Variants in VRK2 observed in about 807,000 individuals in gnomAD.
The protein encoded by VRK2 is serine/threonine-protein kinase VRK2.
Under a neutral mutation model 57.6 loss-of-function variants are expected in VRK2, and 60 were observed. The observed-to-expected ratio is 1.04, with a 90% CI of 0.85 to 1.29. The LOEUF is 1.29. Ranked by LOEUF, VRK2 falls within the 50% of genes most tolerant of loss-of-function variation. The pLI is 0.00. For missense variants in VRK2, 705 were observed against 588.1 expected, an observed-to-expected ratio of 1.20 and a Z score of -2.06; for synonymous variants, 231 against 199.2, an observed-to-expected ratio of 1.16 and a Z score of -1.35.
intron 1 of VRK2, among the ~76,000 whole-genome samples, chr2:57,921,600 G>C (rs1367127851): frequency 6.6e-6 from 1 of 152,002 alleles, no homozygotes; most frequent in Non-Finnish European, 1.5e-5. Flanking sequence ...ACTCAAAAAA[G>C]TAACACCTTA....
chr2:58,085,812 G>A (rs1671534436), intron 4 of VRK2, among the ~76,000 whole-genome samples: 1 of 151,704 alleles, frequency 6.6e-6, no homozygotes, highest in Non-Finnish European at 1.5e-5. Context: ...TGAAAAAAAT[G>A]ATGAAAGTTA....
chr2:57,965,626 T>C (rs1433000228), intron 1 of VRK2, among the ~76,000 whole-genome samples: 1 of 152,210 alleles, frequency 6.6e-6, no homozygotes, highest in African/African-American at 2.4e-5. Context: ...CATTATTTTA[T>C]CTAGAAAGGG....
chr2:58,109,108 C>A (rs575255997), intron 7 of VRK2, among the ~76,000 whole-genome samples: 2 of 152,072 alleles, frequency 1.3e-5, no homozygotes, highest in African/African-American at 4.8e-5. Flanking sequence ...ATCTGTTAAG[C>A]TTGGCACTCA....
At chr2:58,134,263 C>T (rs562485155) in intron 9 of VRK2, among the ~76,000 whole-genome samples, 2 of 152,314 alleles carry the variant, frequency 1.3e-5, no homozygotes, top group Admixed American at 6.5e-5. Flanking sequence ...CCCTTTAAGA[C>T]CCTCATTCCA....
chr2:57,914,846 G>T (rs1363918685), intron 1 of VRK2, among the ~76,000 whole-genome samples: 1 of 151,928 alleles, frequency 6.6e-6, no homozygotes, highest in Admixed American at 6.6e-5. Context: ...GCAAACCCAG[G>T]AACAGAGTAA....
At chr2:58,022,033 T>C (rs1200823600) in intron 1 of VRK2, among the ~76,000 whole-genome samples, 1 of 152,246 alleles carries the variant, frequency 6.6e-6, no homozygotes, top group East Asian at 1.9e-4. Flanking sequence ...CCATTACTCC[T>C]GGACATAGCA....
chr2:58,060,931 A>G (rs1677235091), intron 2 of VRK2, among the ~76,000 whole-genome samples: 1 of 151,960 alleles, frequency 6.6e-6, no homozygotes, highest in South Asian at 2.1e-4. Flanking sequence ...AGAAGGAAAC[A>G]TTTGAGGTCT....
At chr2:58,103,465 A>G (rs1674305693) in intron 7 of VRK2, among the ~76,000 whole-genome samples, 1 of 151,574 alleles carries the variant, frequency 6.6e-6, no homozygotes, top group Non-Finnish European at 1.5e-5. Flanking sequence ...TCTGTGAACA[A>G]CTATATGCTT....
At chr2:58,066,847 A>T (rs1009216499) in intron 2 of VRK2, among the ~76,000 whole-genome samples, 2 of 152,170 alleles carry the variant, frequency 1.3e-5, no homozygotes, top group Non-Finnish European at 2.9e-5. Context: ...ATCAGTTGTG[A>T]TGGTTAATAT....
At chr2:58,080,375 G>C (rs1303596006) in intron 2 of VRK2, among the ~76,000 whole-genome samples, 1 of 151,862 alleles carries the variant, frequency 6.6e-6, no homozygotes, top group African/African-American at 2.4e-5. Flanking sequence ...TTAAAAATCT[G>C]GCATGTAGAG....
At chr2:57,985,421 C>T (rs1003911539) in intron 1 of VRK2, among the ~76,000 whole-genome samples, 2 of 151,962 alleles carry the variant, frequency 1.3e-5, no homozygotes, top group African/African-American at 2.4e-5. Flanking sequence ...ATCTGAAATT[C>T]GTTAATATTC....
intron 1 of VRK2, among the ~76,000 whole-genome samples, chr2:57,986,538 C>T (rs1672598506): frequency 6.6e-6 from 1 of 150,376 alleles, no homozygotes; most frequent in East Asian, 1.9e-4. Flanking sequence ...CACATATATA[C>T]ATATATTTGC....
intron 1 of VRK2, among the ~76,000 whole-genome samples, chr2:57,929,724 C>T (rs1670657900): frequency 6.6e-6 from 1 of 152,112 alleles, no homozygotes; most frequent in South Asian, 2.1e-4. Flanking sequence ...GAAAGTACTG[C>T]CTGGGTGTCA....
At chr2:58,117,541 C>T (rs541106563) in intron 7 of VRK2, among the ~76,000 whole-genome samples, 18 of 151,822 alleles carry the variant, frequency 1.2e-4, no homozygotes, top group East Asian at 3.9e-4. Context: ...AGGGGACAGG[C>T]GGGAGGGAAA....
intron 2 of VRK2, among the ~76,000 whole-genome samples, chr2:58,072,383 A>C (rs1669475409): frequency 6.6e-6 from 1 of 151,940 alleles, no homozygotes. Context: ...CTCAGCAGTA[A>C]GTTTAATTTT....
intron 1 of VRK2, among the ~76,000 whole-genome samples, chr2:58,048,374 C>G (rs1015874951): frequency 6.6e-6 from 1 of 152,178 alleles, no homozygotes; most frequent in African/African-American, 2.4e-5. Flanking sequence ...TTGCCATTGT[C>G]TGTGTCTTCC....
chr2:58,086,107 T>C (rs1158897991), intron 4 of VRK2, among the ~76,000 whole-genome samples: 5 of 151,690 alleles, frequency 3.3e-5, no homozygotes, highest in Non-Finnish European at 5.9e-5. Context: ...GGTATCAATA[T>C]ACAAAGCCTA....
rs760164463 is a variant in VRK2 at position 58,084,072 on chromosome 2, G to A, written c.137-17G>A. On this transcript the variant is annotated splice_polypyrimidine_tract_variant and intron_variant, in intron 2 of 12. Transcript: ENST00000340157. ...GAATAACTATTTTTCTCCATTGTGTGTTTTTTTTGTCTGCAGCTTTCCCCA... is the reference window on the plus strand; with the variant it reads ...GAATAACTATTTTTCTCCATTGTGTATTTTTTTTGTCTGCAGCTTTCCCCA... The A allele has an allele frequency of 6.2e-7, 1 of 1,600,794 alleles. No homozygotes were observed. The highest frequency in any genetic ancestry group is 8.5e-7 in the Non-Finnish European group (1 of 1,172,314).
At chr2:58,080,177 A>G (rs549414537) in intron 2 of VRK2, among the ~76,000 whole-genome samples, 10 of 152,102 alleles carry the variant, frequency 6.6e-5, no homozygotes, top group African/African-American at 2.2e-4. Context: ...TAGTTTTTAT[A>G]TGATATTTTT....
Sources: allele counts gnomAD v4.1 joint callset (sites outside exome capture counted in the v4.1 genomes callset), GRCh38; gene constraint gnomAD v4.1.1; transcripts MANE v1.5; gene names NCBI Gene and HGNC (gene_info 2026-07-23, HGNC 2026-07-21).